GTF2IRD2B: variants seen among roughly 807,000 people sequenced by gnomAD.
GTF2IRD2B encodes GTF2I repeat domain containing 2B, also known as general transcription factor II-I repeat domain-containing protein 2B.
GTF2IRD2B carries 10 observed loss-of-function variants against 55.6 expected under a neutral mutation model. That is an observed-to-expected ratio of 0.18 (90% CI 0.11 to 0.31). GTF2IRD2B has a LOEUF of 0.31. GTF2IRD2B is among the 10% of genes least tolerant of loss of function. The pLI is 1.00. For missense variants in GTF2IRD2B, 206 were observed against 802.7 expected (o/e 0.26, Z 8.98); for synonymous variants, 107 against 320.5 (o/e 0.33, Z 7.12).
At chr7:75,132,962 ATAG>A (rs1808715544) in intron 8 of GTF2IRD2B, among the ~76,000 whole-genome samples, 170 bp from the exon 9 acceptor site, 1 of 128,876 alleles carries the variant, frequency 7.8e-6, no homozygotes, top group South Asian at 2.3e-4. Context: ...ATTTTAATTT[ATAG>A]TATTTCTATT....
At position 75,123,336 on chromosome 7, in the gene GTF2IRD2B, C is replaced by G; in HGVS notation, c.542+17C>G. 1.2e-6 allele frequency: 1 copy of G among 828,540 alleles called. No homozygotes were observed. Among genetic ancestry groups the G allele is most frequent in the South Asian group, 1.8e-5 (1 of 57,116 alleles). The allele number at this position is 828,540 out of a possible 1,614,324, so 51.3% of individuals were successfully genotyped here. ...CATAAATAGGTGACACACTCTGCAC[C>G]CCCGCCCCTTCAGTTCATTTAAAGA... On this transcript the variant is annotated intron_variant, in intron 5 of 15. Coordinates refer to ENST00000472837, the MANE Select transcript of GTF2IRD2B (RefSeq NM_001003795.3).
intron 2 of GTF2IRD2B, among the ~76,000 whole-genome samples, chr7:75,112,085 TACAC>T (rs782659655): frequency 4.6e-4 from 11 of 24,054 alleles, no homozygotes; most frequent in African/African-American, 6.1e-4. Flanking sequence ...CTACTAAAAA[TACAC>T]ACACACACAC....
At chr7:75,115,936 G>T (rs1335822679) in intron 3 of GTF2IRD2B, among the ~76,000 whole-genome samples, 363 of 47,168 alleles carry the variant, frequency 7.7e-3, no homozygotes, top group Admixed American at 8.9e-3. Context: ...TTTTTTTTTT[G>T]AGAGACAGAG....
rs587631927 is a variant in GTF2IRD2B at position 75,119,990 on chromosome 7, G to A, written c.239-901G>A. Among the ~76,000 whole-genome samples the A allele has an allele frequency of 3.1e-5, 4 of 129,482 alleles. 1 individual carries two copies. Among genetic ancestry groups the A allele is most frequent in the South Asian group, 2.2e-4 (1 of 4,464 alleles). The allele number at this position is 129,482 out of a possible 152,430, so 84.9% of individuals were successfully genotyped here. A position where few individuals can be genotyped will look rare whatever the true frequency, so the allele number is the denominator to read the frequency against. On this transcript the variant is annotated intron_variant, in intron 3 of 15. Transcript: ENST00000472837. ...AAAAAATACAAAAACTTAGCCGGGC[G>A]TGGTGGCAGGCACCTGTAGTCCCAG...
At chr7:75,122,450 AT>A (rs1361363624) in intron 4 of GTF2IRD2B, among the ~76,000 whole-genome samples, 3 of 70,442 alleles carry the variant, frequency 4.3e-5, no homozygotes, top group African/African-American at 2.4e-4. Flanking sequence ...AATAAAAATA[AT>A]TTTCAAAAAT....
chr7:75,115,494 G>T (rs1372635021), intron 3 of GTF2IRD2B, among the ~76,000 whole-genome samples: 1 of 145,262 alleles, frequency 6.9e-6, no homozygotes, highest in Non-Finnish European at 1.5e-5. Flanking sequence ...AGAGATCTTG[G>T]CTGACCACAA....
intron 4 of GTF2IRD2B, 33 bp from the exon 5 acceptor site, chr7:75,123,103 A>C: frequency 6.4e-7 from 1 of 1,552,820 alleles, no homozygotes; most frequent in East Asian, 2.3e-5. Flanking sequence ...CGTTAGGTTC[A>C]CACCATCCAA....
intron 9 of GTF2IRD2B, among the ~76,000 whole-genome samples, chr7:75,134,107 G>C: frequency 7.2e-6 from 1 of 138,116 alleles, no homozygotes; most frequent in South Asian, 2.2e-4. Context: ...ATCAAACCTG[G>C]CCAGGTGTAG....
intron 8 of GTF2IRD2B, among the ~76,000 whole-genome samples, chr7:75,127,283 A>C (rs1554452571): frequency 6.6e-6 from 1 of 151,164 alleles, no homozygotes; most frequent in Non-Finnish European, 1.5e-5. Flanking sequence ...GTTCAAGACC[A>C]GCCTGGGCAA....
At chr7:75,132,548 CTT>C (rs1159887977) in intron 8 of GTF2IRD2B, among the ~76,000 whole-genome samples, 58 of 85,354 alleles carry the variant, frequency 6.8e-4, no homozygotes, top group South Asian at 1.2e-3. Context: ...CTCCTTCCTT[CTT>C]TTTTTTTTTT....
chr7:75,126,991 T>A (rs1554535772), intron 8 of GTF2IRD2B, among the ~76,000 whole-genome samples: 75 of 138,834 alleles, frequency 5.4e-4, no homozygotes, highest in African/African-American at 1.9e-3. Flanking sequence ...AGTGAGATTC[T>A]GTGTCAAAAA....
intron 1 of GTF2IRD2B, among the ~76,000 whole-genome samples, 152 bp downstream of exon 1, chr7:75,092,917 G>C (rs1284835925): frequency 2.6e-5 from 4 of 151,498 alleles, no homozygotes; most frequent in African/African-American, 9.7e-5. Context: ...GCCCCGAGGC[G>C]AGGCACCCCC....
intron 1 of GTF2IRD2B, among the ~76,000 whole-genome samples, chr7:75,103,666 G>A (rs1302838616): frequency 6.6e-6 from 1 of 151,652 alleles, no homozygotes; most frequent in Non-Finnish European, 1.5e-5. Context: ...GCACAGAGAA[G>A]GCCCGTGGGT....
At chr7:75,102,164 G>A (rs1474550072) in intron 1 of GTF2IRD2B, among the ~76,000 whole-genome samples, 5 of 149,352 alleles carry the variant, frequency 3.3e-5, no homozygotes, top group Admixed American at 6.7e-5. Context: ...CACCATGCCC[G>A]GCTAATTTTT....
At chr7:75,118,969 GGATCACTTGA>G (rs1394045050) in intron 3 of GTF2IRD2B, among the ~76,000 whole-genome samples, 2 of 115,540 alleles carry the variant, frequency 1.7e-5, no homozygotes, top group Non-Finnish European at 3.5e-5. Context: ...CTGAGGCGAT[GGATCACTTGA>G]GATCAGTAGT....
chr7:75,103,704 G>T (rs1262457587), intron 1 of GTF2IRD2B, among the ~76,000 whole-genome samples: 2 of 151,146 alleles, frequency 1.3e-5, no homozygotes, highest in African/African-American at 4.8e-5. Flanking sequence ...CTTCCATCCT[G>T]CAAGGCTTGC....
chr7:75,114,104 G>A (rs1554451060), intron 3 of GTF2IRD2B, among the ~76,000 whole-genome samples: 1 of 150,554 alleles, frequency 6.6e-6, no homozygotes, highest in Non-Finnish European at 1.5e-5. Flanking sequence ...TAGAGAGAGA[G>A]AGAGAGAGAG....
chr7:75,124,005 C>G (rs67697424), intron 6 of GTF2IRD2B: 41,084 of 162,780 alleles, frequency 0.25, 6,559 homozygotes, highest in African/African-American at 0.46. Context: ...AGATGTATCC[C>G]CCCCCCTTTT....
chr7:75,104,053 CAAA>C (rs587607735), intron 1 of GTF2IRD2B, among the ~76,000 whole-genome samples: 9 of 87,772 alleles, frequency 1.0e-4, no homozygotes, highest in Admixed American at 1.2e-4. Flanking sequence ...GACTCCGTCT[CAAA>C]AAAAAAAAAA....
Sources: gnomAD v4.1 joint callset for allele counts (sites outside exome capture counted in the v4.1 genomes callset) on GRCh38, gnomAD v4.1.1 for gene constraint, MANE v1.5 for transcripts, NCBI Gene and HGNC (gene_info 2026-07-23, HGNC 2026-07-21) for gene names.